CCDC85A: variants seen among roughly 807,000 people sequenced by gnomAD.
CCDC85A encodes the protein coiled-coil domain-containing protein 85A.
In CCDC85A, 38 loss-of-function variants were observed where a neutral mutation model predicts 50.2. The ratio of observed to expected loss-of-function variants is 0.76; its 90% CI spans 0.58 to 0.99. The LOEUF (loss-of-function observed/expected upper bound fraction) is 0.99. Among genes scored for constraint, CCDC85A ranks in the 50% least tolerant of loss-of-function variants. CCDC85A has a pLI of 0.00. For missense variants in CCDC85A, 820 were observed against 742.0 expected (o/e 1.11, Z -1.22); for synonymous variants, 366 against 301.4 (o/e 1.21, Z -2.22).
At chr2:56,344,708 G>A (rs759867017) in intron 3 of CCDC85A, among the ~76,000 whole-genome samples, 13 of 151,958 alleles carry the variant, frequency 8.6e-5, no homozygotes, top group African/African-American at 2.9e-4. Flanking sequence ...CAGTATGACT[G>A]TCCTAAGGCC....
intron 2 of CCDC85A, among the ~76,000 whole-genome samples, chr2:56,274,163 C>T (rs1452843530): frequency 1.3e-5 from 2 of 151,968 alleles, no homozygotes; most frequent in East Asian, 3.9e-4. Flanking sequence ...TTTTCTTTAC[C>T]CCTGCCCCTA....
At chr2:56,205,621 T>C (rs908079474) in intron 2 of CCDC85A, among the ~76,000 whole-genome samples, 4 of 152,212 alleles carry the variant, frequency 2.6e-5, no homozygotes, top group African/African-American at 7.2e-5. Context: ...CATGAACTGA[T>C]AAGACTCATG....
intron 3 of CCDC85A, among the ~76,000 whole-genome samples, chr2:56,355,944 T>G (rs1453185319): frequency 6.6e-6 from 1 of 152,224 alleles, no homozygotes; most frequent in Non-Finnish European, 1.5e-5. Context: ...ACATAAAAGC[T>G]GGCTCTAAGA....
intron 2 of CCDC85A, among the ~76,000 whole-genome samples, chr2:56,200,749 G>C (rs746437511): frequency 6.6e-6 from 1 of 152,076 alleles, no homozygotes; most frequent in Non-Finnish European, 1.5e-5. Context: ...CAATAACTGG[G>C]TTATTCACAG....
At chr2:56,285,143 C>T (rs540016337) in intron 2 of CCDC85A, among the ~76,000 whole-genome samples, 22 of 151,292 alleles carry the variant, frequency 1.5e-4, no homozygotes, top group Non-Finnish European at 2.8e-4. Flanking sequence ...ACTCTGTCGC[C>T]CAGGCTGGAG....
chr2:56,360,487 G>T, intron 3 of CCDC85A, among the ~76,000 whole-genome samples: 1 of 152,142 alleles, frequency 6.6e-6, no homozygotes, highest in Admixed American at 6.5e-5. Context: ...CTTACTACTG[G>T]TTAACCAGAT....
At chr2:56,233,959 A>G (rs980762380) in intron 2 of CCDC85A, among the ~76,000 whole-genome samples, 1 of 152,170 alleles carries the variant, frequency 6.6e-6, no homozygotes, top group African/African-American at 2.4e-5. Context: ...CAAATTGGAA[A>G]TGCAAGGGCT....
chr2:56,378,843 G>A (rs1284711146), intron 5 of CCDC85A, among the ~76,000 whole-genome samples: 1 of 152,206 alleles, frequency 6.6e-6, no homozygotes, highest in Non-Finnish European at 1.5e-5. Context: ...TAGCTTAGCA[G>A]TGTTGCAGTT....
chr2:56,324,491 A>G (rs368050947), intron 2 of CCDC85A, among the ~76,000 whole-genome samples: 7 of 152,182 alleles, frequency 4.6e-5, no homozygotes, highest in East Asian at 3.9e-4. Flanking sequence ...TCCACCTAGC[A>G]TGCCCTGAGA....
chr2:56,266,576 G>GCCCCC (rs1445113304), intron 2 of CCDC85A, among the ~76,000 whole-genome samples: 1 of 61,586 alleles, frequency 1.6e-5, no homozygotes, highest in Non-Finnish European at 3.4e-5. Flanking sequence ...TAACAATAAC[G>GCCCCC]CGCCCCCCCC....
intron 2 of CCDC85A, among the ~76,000 whole-genome samples, chr2:56,298,537 A>T (rs1672058128): frequency 6.6e-6 from 1 of 152,208 alleles, no homozygotes. Flanking sequence ...AATTCTTAAG[A>T]AAAAACTTTC....
intron 2 of CCDC85A, among the ~76,000 whole-genome samples, chr2:56,307,388 C>G (rs1043253324): frequency 1.3e-5 from 2 of 152,098 alleles, no homozygotes; most frequent in African/African-American, 2.4e-5. Flanking sequence ...TGTAATCAGG[C>G]TCCTTGCAGT....
chr2:56,377,664 G>A (rs556755842), intron 5 of CCDC85A, among the ~76,000 whole-genome samples: 12 of 152,084 alleles, frequency 7.9e-5, no homozygotes, highest in African/African-American at 2.4e-4. Context: ...CAAGGTAGGC[G>A]GATCATGAGG....
intron 2 of CCDC85A, among the ~76,000 whole-genome samples, chr2:56,244,194 T>A (rs1669397462): frequency 6.6e-6 from 1 of 152,150 alleles, no homozygotes; most frequent in Admixed American, 6.5e-5. Context: ...GGTTCAGAGA[T>A]GTCTGGGAGT....
rs1558670534 is a variant in CCDC85A at position 56,385,376 on chromosome 2, A to G, written c.*1021A>G. ...TTATTGAGGCTAAAAGCTCTTGTTC[A>G]GATTGCTTGAGGTTTGAAAAAGAGG... On this transcript the variant is annotated 3_prime_UTR_variant, in exon 6 of 6. Transcript: ENST00000407595. 1 of 152,262 alleles carries G rather than the reference A, an allele frequency of 6.6e-6. No individual in the cohort carries two copies. The highest frequency in any genetic ancestry group is 1.5e-5 in the Non-Finnish European group (1 of 67,826). 9.4% of individuals were successfully genotyped at this position (152,262 alleles called of 1,614,324 possible). A position where few individuals can be genotyped will look rare whatever the true frequency, so the allele number is the denominator to read the frequency against.
intron 1 of CCDC85A, among the ~76,000 whole-genome samples, chr2:56,187,717 G>T (rs905227362): frequency 6.6e-6 from 1 of 152,158 alleles, no homozygotes; most frequent in South Asian, 2.1e-4. Flanking sequence ...TTTTCTTTTG[G>T]CTAGTTGACA....
intron 5 of CCDC85A, among the ~76,000 whole-genome samples, chr2:56,382,781 T>A (rs1360015594): frequency 6.6e-6 from 1 of 151,954 alleles, no homozygotes; most frequent in African/African-American, 2.4e-5. Flanking sequence ...TGAAGAGGAG[T>A]TGCACTTTTG....
At chr2:56,344,074 G>T (rs1347827145) in intron 3 of CCDC85A, among the ~76,000 whole-genome samples, 1 of 152,070 alleles carries the variant, frequency 6.6e-6, no homozygotes, top group Non-Finnish European at 1.5e-5. Context: ...TACAGTAGTT[G>T]TCCCCCTTTT....
intron 2 of CCDC85A, among the ~76,000 whole-genome samples, chr2:56,270,094 G>T (rs1422674490): frequency 6.6e-6 from 1 of 152,092 alleles, no homozygotes; most frequent in Non-Finnish European, 1.5e-5. Context: ...TTAAGATTTT[G>T]GTGGGTGAAC....
Sources: gnomAD v4.1 joint callset for allele counts (sites outside exome capture counted in the v4.1 genomes callset) on GRCh38, gnomAD v4.1.1 for gene constraint, MANE v1.5 for transcripts, NCBI Gene and HGNC (gene_info 2026-07-23, HGNC 2026-07-21) for gene names.